Variants in HTR4 observed in about 807,000 individuals in gnomAD.
The protein encoded by HTR4 is 5-hydroxytryptamine (serotonin) receptor 4, G protein-coupled.
HTR4 carries 16 observed loss-of-function variants against 36.8 expected under a neutral mutation model. The observed-to-expected ratio is 0.43, with a 90% CI of 0.29 to 0.66. The LOEUF (loss-of-function observed/expected upper bound fraction) is 0.66. HTR4 is among the 30% of genes least tolerant of loss of function. The pLI, the probability that HTR4 is intolerant of heterozygous loss-of-function variation, is 0.13. For missense variants in HTR4, 438 were observed against 490.9 expected (o/e 0.89, Z 1.02); for synonymous variants, 189 against 185.1 (o/e 1.02, Z -0.17).
chr5:148,632,407 C>T (rs1181795510), intron 2 of HTR4, among the ~76,000 whole-genome samples: 2 of 152,026 alleles, frequency 1.3e-5, no homozygotes, highest in African/African-American at 2.4e-5. Flanking sequence ...GAGAAGAAGC[C>T]GATCCTTAAA....
At chr5:148,580,183 A>G (rs1448630518) in intron 2 of HTR4, among the ~76,000 whole-genome samples, 1 of 152,068 alleles carries the variant, frequency 6.6e-6, no homozygotes, top group Non-Finnish European at 1.5e-5. Flanking sequence ...GTGAAACAAA[A>G]AAAGCTTCCA....
intron 2 of HTR4, among the ~76,000 whole-genome samples, chr5:148,625,451 T>G (rs1006094086): frequency 4.6e-5 from 7 of 152,212 alleles, no homozygotes; most frequent in African/African-American, 1.7e-4. Flanking sequence ...ACTAATAGCT[T>G]AGGAATTTTT....
intron 2 of HTR4, among the ~76,000 whole-genome samples, chr5:148,591,009 G>A (rs1171692655): frequency 6.6e-6 from 1 of 152,102 alleles, no homozygotes; most frequent in Non-Finnish European, 1.5e-5. Flanking sequence ...TTTTGTATAT[G>A]GTGTAAGGAA....
At chr5:148,467,376 GT>G (rs1228549776) in intron 5 of HTR4, among the ~76,000 whole-genome samples, 1 of 152,018 alleles carries the variant, frequency 6.6e-6, no homozygotes, top group Non-Finnish European at 1.5e-5. Context: ...ACAATGGTGG[GT>G]TTTTTTGGAT....
intron 4 of HTR4, among the ~76,000 whole-genome samples, chr5:148,542,207 T>C (rs1759151318): frequency 6.6e-6 from 1 of 152,222 alleles, no homozygotes; most frequent in Admixed American, 6.5e-5. Flanking sequence ...ACAAATATTA[T>C]GTACAAAGCC....
chr5:148,562,207 A>G (rs1225841269), intron 2 of HTR4, among the ~76,000 whole-genome samples: 1 of 152,218 alleles, frequency 6.6e-6, no homozygotes, highest in East Asian at 1.9e-4. Flanking sequence ...ACAAAAGTAG[A>G]GCTGAGTAAT....
intron 2 of HTR4, among the ~76,000 whole-genome samples, chr5:148,558,818 A>G (rs1760067578): frequency 1.3e-5 from 2 of 152,292 alleles, no homozygotes; most frequent in Non-Finnish European, 2.9e-5. Context: ...AAAAGAAAAA[A>G]GTCATCTTTA....
intron 4 of HTR4, among the ~76,000 whole-genome samples, chr5:148,546,854 C>T (rs1448126319): frequency 6.6e-6 from 1 of 152,228 alleles, no homozygotes; most frequent in African/African-American, 2.4e-5. Flanking sequence ...ATAATACAAA[C>T]TTTCATTCAG....
chr5:148,630,168 T>C (rs1753272385), intron 2 of HTR4: 1 of 152,178 alleles, frequency 6.6e-6, no homozygotes, highest in Non-Finnish European at 1.5e-5. Context: ...TAAATCTCCG[T>C]TTGCTTAAAA....
chr5:148,607,673 AGTTC>A (rs1284976586), intron 2 of HTR4, among the ~76,000 whole-genome samples: 2 of 152,164 alleles, frequency 1.3e-5, no homozygotes, highest in Non-Finnish European at 2.9e-5. Context: ...CACAGTAATT[AGTTC>A]ATCACAGGAA....
chr5:148,614,442 A>G (rs536806787), intron 2 of HTR4, among the ~76,000 whole-genome samples: 2 of 152,352 alleles, frequency 1.3e-5, no homozygotes, highest in African/African-American at 2.4e-5. Flanking sequence ...AGGATTCCCT[A>G]TTTAATAAAT....
intron 2 of HTR4, among the ~76,000 whole-genome samples, chr5:148,615,530 T>G (rs1581550319): frequency 2.6e-5 from 2 of 77,574 alleles, no homozygotes; most frequent in Admixed American, 2.1e-4. Context: ...GGGACTGTTG[T>G]GGGGTGGGGG....
chr5:148,476,889 C>A, downstream of HTR4: 1 of 1,307,620 alleles, frequency 7.6e-7, no homozygotes, highest in South Asian at 1.5e-5. Flanking sequence ...GAAAAGACTT[C>A]AGGTAGGAGG....
chr5:148,564,317 G>A (rs1760343570), intron 2 of HTR4, among the ~76,000 whole-genome samples: 1 of 152,020 alleles, frequency 6.6e-6, no homozygotes, highest in Non-Finnish European at 1.5e-5. Context: ...TTATTGTCTG[G>A]GAAGCCATCC....
At chr5:148,600,120 A>G (rs1473839143) in intron 2 of HTR4, among the ~76,000 whole-genome samples, 5 of 151,284 alleles carry the variant, frequency 3.3e-5, no homozygotes, top group Non-Finnish European at 7.4e-5. Context: ...TACTAGACAT[A>G]CATTCAAATA....
At chr5:148,596,850 T>A (rs547520785) in intron 2 of HTR4, among the ~76,000 whole-genome samples, 1 of 152,322 alleles carries the variant, frequency 6.6e-6, no homozygotes, top group East Asian at 1.9e-4. Context: ...TACCAGGTGC[T>A]AAAAGTTCAG....
chr5:148,598,727 C>T (rs1054091389), intron 2 of HTR4, among the ~76,000 whole-genome samples: 1 of 152,132 alleles, frequency 6.6e-6, no homozygotes, highest in Admixed American at 6.5e-5. Flanking sequence ...TAATCTTCTA[C>T]TTAAAGTAAA....
intron 2 of HTR4, among the ~76,000 whole-genome samples, chr5:148,602,388 A>G (rs953856579): frequency 1.3e-5 from 2 of 152,234 alleles, no homozygotes; most frequent in Admixed American, 1.3e-4. Context: ...ACCATGGGTC[A>G]CAGAAGAAAT....
At chr5:148,599,651 T>A (rs1024531437) in intron 2 of HTR4, among the ~76,000 whole-genome samples, 1 of 151,606 alleles carries the variant, frequency 6.6e-6, no homozygotes, top group Non-Finnish European at 1.5e-5. Context: ...AGAAAAATGA[T>A]CCCAGAGAAA....
Sources: allele counts gnomAD v4.1 joint callset (sites outside exome capture counted in the v4.1 genomes callset), GRCh38; gene constraint gnomAD v4.1.1; transcripts MANE v1.5; gene names NCBI Gene and HGNC (gene_info 2026-07-23, HGNC 2026-07-21).